The following AOAH variants were observed in gnomAD, a reference collection of about 807,000 sequenced individuals.
AOAH encodes the protein acyloxyacyl hydrolase, also known as acyloxyacyl hydrolase (neutrophil).
In AOAH, 64 loss-of-function variants were observed where a neutral mutation model predicts 92.2. That is an observed-to-expected ratio of 0.69 (90% CI 0.57 to 0.86). The LOEUF is 0.86. Among genes scored for constraint, AOAH ranks in the 40% least tolerant of loss-of-function variants. The pLI, the probability that AOAH is intolerant of heterozygous loss-of-function variation, is 0.00. For missense variants in AOAH, 656 were observed against 694.6 expected, an observed-to-expected ratio of 0.94 and a Z score of 0.62; for synonymous variants, 263 against 254.5, an observed-to-expected ratio of 1.03 and a Z score of -0.32.
chr7:36,657,900 G>A (rs1416226539), intron 4 of AOAH, among the ~76,000 whole-genome samples: 1 of 152,194 alleles, frequency 6.6e-6, no homozygotes, highest in East Asian at 1.9e-4. Context: ...AGCTGTGGGT[G>A]TAATGTATAC....
At chr7:36,642,606 T>C (rs1793985139) in intron 4 of AOAH, among the ~76,000 whole-genome samples, 1 of 152,226 alleles carries the variant, frequency 6.6e-6, no homozygotes, top group Admixed American at 6.5e-5. Flanking sequence ...GTTCTCGACC[T>C]TGAGCTAAGA....
intron 6 of AOAH, among the ~76,000 whole-genome samples, chr7:36,626,810 G>T (rs1458164259): frequency 3.3e-5 from 5 of 152,046 alleles, no homozygotes; most frequent in African/African-American, 1.2e-4. Context: ...ATAGAGACGG[G>T]GTCTTGCTCT....
At chr7:36,611,799 G>T (rs1791477584) in intron 11 of AOAH, among the ~76,000 whole-genome samples, 1 of 152,156 alleles carries the variant, frequency 6.6e-6, no homozygotes, top group South Asian at 2.1e-4. Context: ...TCAACATACT[G>T]GTCCGCAACA....
chr7:36,530,545 T>C, intron 18 of AOAH, 31 bp from the exon 19 acceptor site: 3 of 1,472,284 alleles, frequency 2.0e-6, no homozygotes, highest in Non-Finnish European at 2.9e-6. Flanking sequence ...GAGAATTTCA[T>C]GAAATCTAGA....
At chr7:36,688,088 G>T (rs767419368) in intron 1 of AOAH, among the ~76,000 whole-genome samples, 2 of 152,066 alleles carry the variant, frequency 1.3e-5, no homozygotes, top group African/African-American at 4.8e-5. Context: ...CCTACTTAAG[G>T]ATGCATTGAT....
At chr7:36,558,117 T>C (rs1786926357) in intron 13 of AOAH, among the ~76,000 whole-genome samples, 1 of 152,226 alleles carries the variant, frequency 6.6e-6, no homozygotes, top group South Asian at 2.1e-4. Context: ...TTTGTGGTTT[T>C]ATCTACTTTT....
chr7:36,517,225 TGTCTCTCTC>T (rs1562854085), intron 20 of AOAH, among the ~76,000 whole-genome samples: 4 of 71,008 alleles, frequency 5.6e-5, no homozygotes, highest in Admixed American at 1.8e-4. Context: ...TCTTTCTTTC[TGTCTCTCTC>T]TCTCTCTCTC....
At chr7:36,635,517 AGGGTG>A (rs1319059229) in intron 5 of AOAH, among the ~76,000 whole-genome samples, 1 of 152,138 alleles carries the variant, frequency 6.6e-6, no homozygotes. Flanking sequence ...TAATTGGTCT[AGGGTG>A]GGGTTTGGAT....
chr7:36,594,675 G>C, intron 11 of AOAH: 1 of 535,530 alleles, frequency 1.9e-6, no homozygotes, highest in South Asian at 2.1e-5. Flanking sequence ...CAGAACATTT[G>C]GCATCTCAAA....
chr7:36,594,134 C>A (rs189991727), intron 12 of AOAH, among the ~76,000 whole-genome samples: 1 of 152,224 alleles, frequency 6.6e-6, no homozygotes, highest in Non-Finnish European at 1.5e-5. Context: ...CCCCACCCTG[C>A]CCATAGCAGG....
chr7:36,611,457 T>C (rs1398705617), intron 11 of AOAH, among the ~76,000 whole-genome samples: 1 of 152,250 alleles, frequency 6.6e-6, no homozygotes, highest in Non-Finnish European at 1.5e-5. Context: ...AATCAATTCA[T>C]TGCTGCAAAC....
intron 6 of AOAH, among the ~76,000 whole-genome samples, chr7:36,627,768 C>T (rs1375396731): frequency 2.6e-5 from 4 of 152,164 alleles, no homozygotes; most frequent in Non-Finnish European, 5.9e-5. Context: ...TGGTGTCACT[C>T]GCTGCCCCTG....
At chr7:36,575,899 C>T (rs1037670993) in intron 13 of AOAH, among the ~76,000 whole-genome samples, 26 of 152,150 alleles carry the variant, frequency 1.7e-4, no homozygotes, top group African/African-American at 5.3e-4. Context: ...TGCTGTGTTT[C>T]GAGAACTGCT....
At chr7:36,540,527 T>G in intron 15 of AOAH, 36 bp from the exon 16 acceptor site, 1 of 1,584,100 alleles carries the variant, frequency 6.3e-7, no homozygotes, top group Non-Finnish European at 8.6e-7. Context: ...TCTTGGTTGA[T>G]TGTAAGGATA....
At chr7:36,683,588 A>C (rs1796779563) in intron 2 of AOAH, among the ~76,000 whole-genome samples, 1 of 152,218 alleles carries the variant, frequency 6.6e-6, no homozygotes, top group Non-Finnish European at 1.5e-5. Flanking sequence ...TGTGCAAGGA[A>C]GGATAGGTAA....
In AOAH at chr7:36,659,815, C is replaced by G. The variant is rs185114695; in HGVS notation, c.291-550G>C. ...GTTTTGTCAGGCCTCTGAGCCGAAG[C>G]TCGGCCATTATAACCCCTGTGACCT... On this transcript the variant is annotated intron_variant, in intron 3 of 20. Coordinates refer to ENST00000617537, the MANE Select transcript of AOAH (RefSeq NM_001637.4). 3.1e-3 allele frequency among the ~76,000 whole-genome samples: 439 copies of G among 142,832 alleles called. 1 individual carries two copies. Among genetic ancestry groups the G allele is most frequent in the African/African-American group, 0.011 (417 of 37,620 alleles). 93.7% of individuals were successfully genotyped at this position (142,832 alleles called of 152,430 possible).
At chr7:36,701,832 G>T (rs1200476222) in intron 1 of AOAH, among the ~76,000 whole-genome samples, 2 of 151,584 alleles carry the variant, frequency 1.3e-5, no homozygotes, top group Non-Finnish European at 2.9e-5. Context: ...GGACATCTTG[G>T]GTTGCTTTTT....
chr7:36,659,024 C>A (rs1351237294), intron 4 of AOAH, 142 bp downstream of exon 4: 3 of 699,584 alleles, frequency 4.3e-6, no homozygotes, highest in African/African-American at 3.5e-5. Context: ...AATATTATTT[C>A]TTGCGGGGTA....
At chr7:36,567,000 CG>C (rs1787760493) in intron 13 of AOAH, among the ~76,000 whole-genome samples, 1 of 152,048 alleles carries the variant, frequency 6.6e-6, no homozygotes, top group African/African-American at 2.4e-5. Flanking sequence ...TTAGTACAGA[CG>C]GGGCTTCACC....
Sources: gnomAD v4.1 joint callset for allele counts (sites outside exome capture counted in the v4.1 genomes callset) on GRCh38, gnomAD v4.1.1 for gene constraint, MANE v1.5 for transcripts, NCBI Gene and HGNC (gene_info 2026-07-23, HGNC 2026-07-21) for gene names.